The following SRD5A2 variants were observed in gnomAD, a reference collection of about 807,000 sequenced individuals.
SRD5A2 encodes the protein steroid 5 alpha-reductase 2, also known as 3-oxo-5-alpha-steroid 4-dehydrogenase 2.
A neutral mutation model predicts 27.4 loss-of-function variants in SRD5A2; 30 were observed. The ratio of observed to expected loss-of-function variants is 1.10; its 90% confidence interval spans 0.82 to 1.49. SRD5A2 has a LOEUF of 1.49. Among genes scored for constraint, SRD5A2 ranks in the 40% most tolerant of loss-of-function variants. The pLI, the probability that SRD5A2 is intolerant of heterozygous loss-of-function variation, is 0.00. For missense variants in SRD5A2, 348 were observed against 323.4 expected (o/e 1.08, Z -0.58); for synonymous variants, 141 against 133.6 (o/e 1.06, Z -0.38).
chr2:31,588,375 G>C, the SRD5A2 span, among the ~76,000 whole-genome samples: 1 of 152,110 alleles, frequency 6.6e-6, no homozygotes, highest in African/African-American at 2.4e-5. Context: ...ACAAGCAAGA[G>C]AAAAGAAACA....
the SRD5A2 span, among the ~76,000 whole-genome samples, chr2:31,599,945 C>A: frequency 0.42 from 63,014 of 151,342 alleles, 13,241 homozygotes; most frequent in Admixed American, 0.43. Flanking sequence ...ATTAAGCCTA[C>A]TACCCATTAG....
At chr2:31,624,020 G>T in the SRD5A2 span, among the ~76,000 whole-genome samples, 4 of 151,968 alleles carry the variant, frequency 2.6e-5, no homozygotes, top group African/African-American at 7.2e-5. Flanking sequence ...TTTTATTGAG[G>T]ATTTTTGCAT....
the SRD5A2 span, among the ~76,000 whole-genome samples, chr2:31,595,511 T>C: frequency 6.6e-6 from 1 of 151,570 alleles, no homozygotes; most frequent in Non-Finnish European, 1.5e-5. Flanking sequence ...CAGAAAGAAA[T>C]AGAAACTCTG....
At chr2:31,648,597 C>T in the SRD5A2 span, among the ~76,000 whole-genome samples, 2 of 152,242 alleles carry the variant, frequency 1.3e-5, no homozygotes, top group East Asian at 3.9e-4. Flanking sequence ...ATGTGTTAGT[C>T]CGTGGACCAA....
intron 1 of SRD5A2, among the ~76,000 whole-genome samples, chr2:31,558,723 A>C (rs1476983648): frequency 6.6e-6 from 1 of 152,168 alleles, no homozygotes; most frequent in Non-Finnish European, 1.5e-5. Flanking sequence ...GTCTCATTAG[A>C]TTATTGTACC....
intron 1 of SRD5A2, among the ~76,000 whole-genome samples, chr2:31,557,477 T>G (rs1241666047): frequency 6.6e-6 from 1 of 152,228 alleles, no homozygotes; most frequent in African/African-American, 2.4e-5. Flanking sequence ...CATAATTTTT[T>G]TTCTTGTAAT....
the SRD5A2 span, among the ~76,000 whole-genome samples, chr2:31,658,898 G>C: frequency 6.6e-6 from 1 of 151,732 alleles, no homozygotes; most frequent in African/African-American, 2.4e-5. Context: ...CTGAAACCTG[G>C]CAGAGACACA....
the SRD5A2 span, among the ~76,000 whole-genome samples, chr2:31,594,280 A>G: frequency 3.3e-5 from 5 of 152,322 alleles, no homozygotes; most frequent in Admixed American, 2.6e-4. Flanking sequence ...AATTCCACCA[A>G]CCAAGTATCT....
the SRD5A2 span, among the ~76,000 whole-genome samples, chr2:31,626,291 T>C: frequency 6.6e-6 from 1 of 152,210 alleles, no homozygotes; most frequent in African/African-American, 2.4e-5. Context: ...TATGCAATCA[T>C]GTCATCTGCA....
chr2:31,627,883 T>G, the SRD5A2 span, among the ~76,000 whole-genome samples: 2 of 152,114 alleles, frequency 1.3e-5, no homozygotes, highest in African/African-American at 4.8e-5. Context: ...GAGGATGGTT[T>G]TATGCCAAAT....
intron 1 of SRD5A2, among the ~76,000 whole-genome samples, chr2:31,558,526 G>T (rs1666547985): frequency 6.6e-6 from 1 of 152,132 alleles, no homozygotes; most frequent in Non-Finnish European, 1.5e-5. Context: ...TCACTCCAAT[G>T]TTTGCCTCTG....
chr2:31,591,229 C>A, the SRD5A2 span, among the ~76,000 whole-genome samples: 1 of 152,170 alleles, frequency 6.6e-6, no homozygotes, highest in Non-Finnish European at 1.5e-5. Flanking sequence ...TGGACTCCAA[C>A]AAATTTACAA....
chr2:31,636,494 G>A, the SRD5A2 span, among the ~76,000 whole-genome samples: 2 of 152,138 alleles, frequency 1.3e-5, no homozygotes, highest in Admixed American at 1.3e-4. Flanking sequence ...AATTGCTCTG[G>A]CAAGGACTTC....
chr2:31,552,260 G>T (rs1333493965), intron 1 of SRD5A2, among the ~76,000 whole-genome samples: 2 of 150,028 alleles, frequency 1.3e-5, no homozygotes, highest in Admixed American at 1.3e-4. Flanking sequence ...AAACAAATAA[G>T]AAGAGCAATT....
chr2:31,559,011 C>A, intron 1 of SRD5A2, among the ~76,000 whole-genome samples: 1 of 152,210 alleles, frequency 6.6e-6, no homozygotes, highest in Admixed American at 6.5e-5. Flanking sequence ...GAGAGACATG[C>A]TTCAACCCAG....
the SRD5A2 span, among the ~76,000 whole-genome samples, chr2:31,609,288 GT>G: frequency 6.6e-6 from 1 of 151,940 alleles, no homozygotes; most frequent in African/African-American, 2.4e-5. Context: ...AAACAGGAAA[GT>G]TGATATAGCA....
chr2:31,603,557 G>C, the SRD5A2 span, among the ~76,000 whole-genome samples: 3 of 152,014 alleles, frequency 2.0e-5, no homozygotes, highest in Admixed American at 6.6e-5. Flanking sequence ...ATATCCAAAA[G>C]AATATAAATC....
the SRD5A2 span, among the ~76,000 whole-genome samples, chr2:31,600,429 T>C: frequency 2.0e-5 from 3 of 152,144 alleles, no homozygotes; most frequent in South Asian, 2.1e-4. Flanking sequence ...TCCACAAGCA[T>C]TGAACTAATT....
chr2:31,602,806 G>A, the SRD5A2 span, among the ~76,000 whole-genome samples: 1 of 151,788 alleles, frequency 6.6e-6, no homozygotes, highest in African/African-American at 2.4e-5. Context: ...AAGAAAAACA[G>A]CAATGGGAAT....
Sources: allele counts gnomAD v4.1 joint callset (sites outside exome capture counted in the v4.1 genomes callset), GRCh38; gene constraint gnomAD v4.1.1; transcripts MANE v1.5; gene names NCBI Gene and HGNC (gene_info 2026-07-23, HGNC 2026-07-21).